Variants in CCDC149 observed in about 807,000 individuals in gnomAD.
CCDC149 encodes coiled-coil domain-containing protein 149.
CCDC149 carries 45 observed loss-of-function variants against 59.9 expected under a neutral mutation model. That is an observed-to-expected ratio of 0.75 (90% CI 0.59 to 0.96). The LOEUF (loss-of-function observed/expected upper bound fraction) is 0.96. CCDC149 is among the 40% of genes least tolerant of loss of function. CCDC149 has a pLI of 0.00. For synonymous variants in CCDC149, 245 were observed against 260.6 expected, an observed-to-expected ratio of 0.94 and a Z score of 0.58; for missense variants, 584 against 664.7, an observed-to-expected ratio of 0.88 and a Z score of 1.33.
At chr4:24,803,849 T>C (rs533098749), downstream of CCDC149, among the ~76,000 whole-genome samples, 188 of 152,332 alleles carry the variant, frequency 1.2e-3, 1 homozygote, top group Middle Eastern at 6.8e-3. The surrounding 1 kb of genome is among the most constrained non-coding windows in gnomAD (Gnocchi z 4.3). Flanking sequence ...AGGCAGCATG[T>C]CCATATCTAT....
chr4:24,944,981 C>T (rs554884044), intron 1 of CCDC149, among the ~76,000 whole-genome samples: 1 of 152,288 alleles, frequency 6.6e-6, no homozygotes, highest in Admixed American at 6.5e-5. Context: ...GGAAAAATAC[C>T]TGCATGTTTT....
At chr4:24,921,047 T>C (rs1473292944) in intron 1 of CCDC149, among the ~76,000 whole-genome samples, 1 of 152,198 alleles carries the variant, frequency 6.6e-6, no homozygotes, top group Admixed American at 6.5e-5. Flanking sequence ...GTTTCAACTT[T>C]GCTAAAAATA....
intron 1 of CCDC149, among the ~76,000 whole-genome samples, chr4:24,881,534 T>C (rs1560234982): frequency 6.6e-6 from 1 of 152,128 alleles, no homozygotes. Context: ...ACAGAGAACT[T>C]TGTGTGATCC....
intron 1 of CCDC149, among the ~76,000 whole-genome samples, chr4:24,968,835 A>C (rs1176584999): frequency 6.6e-6 from 1 of 152,206 alleles, no homozygotes. Context: ...CCTGGAAAAT[A>C]CAGAAGTGGC....
chr4:24,926,308 G>A (rs1189679073), intron 1 of CCDC149, among the ~76,000 whole-genome samples: 1 of 152,232 alleles, frequency 6.6e-6, no homozygotes, highest in African/African-American at 2.4e-5. Context: ...CTGAAATCAA[G>A]TTTAATAAAT....
chr4:24,860,975 T>C (rs1718341568), intron 3 of CCDC149, among the ~76,000 whole-genome samples: 2 of 152,138 alleles, frequency 1.3e-5, no homozygotes, highest in African/African-American at 4.8e-5. Context: ...GATGTTGGCA[T>C]GGATGTGGTA....
At chr4:24,909,614 C>A (rs1976942) in intron 1 of CCDC149, among the ~76,000 whole-genome samples, 1 of 152,068 alleles carries the variant, frequency 6.6e-6, no homozygotes, top group Non-Finnish European at 1.5e-5. Flanking sequence ...TCAAATCTCA[C>A]CTTGAATTGC....
chr4:24,915,091 T>A (rs1722086833), upstream of CCDC149, among the ~76,000 whole-genome samples: 1 of 152,260 alleles, frequency 6.6e-6, no homozygotes, highest in Non-Finnish European at 1.5e-5. Context: ...CTGACCATTC[T>A]GGGCTGCCTA....
chr4:24,900,452 A>G (rs1470504338), intron 1 of CCDC149, among the ~76,000 whole-genome samples: 1 of 152,172 alleles, frequency 6.6e-6, no homozygotes, highest in Non-Finnish European at 1.5e-5. Flanking sequence ...ATCACAGTAG[A>G]GGCTCTGCAA....
At chr4:24,859,487 A>G (rs1270305847) in intron 3 of CCDC149, among the ~76,000 whole-genome samples, 1 of 152,194 alleles carries the variant, frequency 6.6e-6, no homozygotes, top group Non-Finnish European at 1.5e-5. Flanking sequence ...CACAGCCAAC[A>G]TTATGCTGAA....
intron 1 of CCDC149, among the ~76,000 whole-genome samples, chr4:24,957,354 A>G (rs1723493888): frequency 6.6e-6 from 1 of 152,212 alleles, no homozygotes. Flanking sequence ...TCTCCTCTTT[A>G]AGCTCACATG....
chr4:24,912,915 C>T lies in CCDC149; in HGVS notation c.-36G>A, dbSNP rs1463276929. ...GCCTCCTGGACCCCCGCCGCCTCCT[C>T]CTCCTCGCGACGTCGCGTCGCCGCC... On this transcript the variant is annotated 5_prime_UTR_variant, in exon 1 of 13. Coordinates refer to ENST00000635206, the MANE Select transcript of CCDC149 (RefSeq NM_001330643.2). 23 of 1,248,286 alleles carry T rather than the reference C, an allele frequency of 1.8e-5. No individual in the cohort carries two copies. The highest frequency in any genetic ancestry group is 1.5e-4 in the Admixed American group (5 of 32,616). 77.3% of individuals were successfully genotyped at this position (1,248,286 alleles called of 1,614,324 possible).
At chr4:24,937,192 A>C (rs1170903167) in intron 1 of CCDC149, among the ~76,000 whole-genome samples, 1 of 152,252 alleles carries the variant, frequency 6.6e-6, no homozygotes, top group Non-Finnish European at 1.5e-5. Flanking sequence ...AATCTGGAGA[A>C]CTTGGCTGGG....
At chr4:24,940,371 G>T (rs1381120281) in intron 1 of CCDC149, among the ~76,000 whole-genome samples, 2 of 152,158 alleles carry the variant, frequency 1.3e-5, no homozygotes, top group East Asian at 3.8e-4. Context: ...CACCAGGCCT[G>T]CCCTAAAAGA....
At chr4:24,940,444 C>T (rs199954528) in intron 1 of CCDC149, among the ~76,000 whole-genome samples, 10,843 of 151,944 alleles carry the variant, frequency 0.071, 370 homozygotes, top group East Asian at 0.094. Flanking sequence ...CAAAAACATG[C>T]CAAATTGTAA....
chr4:24,869,589 G>A (rs894141038), intron 3 of CCDC149, among the ~76,000 whole-genome samples: 1 of 152,170 alleles, frequency 6.6e-6, no homozygotes, highest in African/African-American at 2.4e-5. Flanking sequence ...ACATACAATT[G>A]TTTAAAAAAG....
At chr4:24,899,974 G>C (rs760176181) in intron 1 of CCDC149, among the ~76,000 whole-genome samples, 1 of 152,016 alleles carries the variant, frequency 6.6e-6, no homozygotes, top group Non-Finnish European at 1.5e-5. Context: ...CTTCTGTCTA[G>C]AACACCCTTC....
At chr4:24,902,898 G>A (rs530305651) in intron 1 of CCDC149, among the ~76,000 whole-genome samples, 13 of 151,876 alleles carry the variant, frequency 8.6e-5, no homozygotes, top group African/African-American at 3.1e-4. Context: ...GGTGGCTCAT[G>A]CCTGTAGTCT....
intron 1 of CCDC149, among the ~76,000 whole-genome samples, chr4:24,922,915 TTTC>T (rs1192945197): frequency 5.9e-5 from 9 of 152,224 alleles, no homozygotes; most frequent in Admixed American, 1.3e-4. Context: ...CCCCTTAGAT[TTTC>T]TTTTTTTTTT....
Sources: gnomAD v4.1 joint callset for allele counts (sites outside exome capture counted in the v4.1 genomes callset) on GRCh38, gnomAD v4.1.1 for gene constraint, Gnocchi (gnomAD v3.1) non-coding constraint, MANE v1.5 for transcripts, NCBI Gene and HGNC (gene_info 2026-07-23, HGNC 2026-07-21) for gene names.